RNF157: variants seen among roughly 807,000 people sequenced by gnomAD.
RNF157 encodes the protein E3 ubiquitin ligase RNF157.
RNF157 carries 55 observed loss-of-function variants against 88.3 expected under a neutral mutation model. The ratio of observed to expected loss-of-function variants is 0.62; its 90% CI spans 0.50 to 0.78. The LOEUF (loss-of-function observed/expected upper bound fraction) is 0.78. RNF157 is among the 30% of genes least tolerant of loss of function. RNF157 has a pLI of 0.00. For synonymous variants in RNF157, 334 were observed against 341.2 expected (o/e 0.98, Z 0.23); for missense variants, 788 against 860.8 (o/e 0.92, Z 1.06).
chr17:76,205,108 G>A (rs775409664), intron 2 of RNF157, among the ~76,000 whole-genome samples: 4 of 148,276 alleles, frequency 2.7e-5, no homozygotes, highest in Non-Finnish European at 6.0e-5. Context: ...TCCCTCCCTC[G>A]TTCCCTCCCT....
rs370982681 is a variant in RNF157 at position 76,161,335 on chromosome 17, G to A, written c.1065+200C>T. On this transcript the variant is annotated intron_variant, in intron 11 of 18. Coordinates refer to ENST00000269391, the MANE Select transcript of RNF157 (RefSeq NM_052916.3). The surrounding 1 kb of genome is among the most constrained non-coding windows in gnomAD (Gnocchi z 4.6). ...ATTAACTGGACACCAAGTTCCCAAG[G>A]AGGAAAAGGGAGGTTTTCAGTATTC... Among the ~76,000 whole-genome samples, 27 of 152,194 alleles carry A rather than the reference G, an allele frequency of 1.8e-4. No individual in the cohort carries two copies. Among genetic ancestry groups the A allele is most frequent in the African/African-American group, 4.6e-4 (19 of 41,520 alleles).
intron 1 of RNF157, chr17:76,226,729 C>A: frequency 5.6e-6 from 9 of 1,610,078 alleles, no homozygotes; most frequent in Non-Finnish European, 7.6e-6. Context: ...TTTCTTCAGC[C>A]CCCAAACCCG....
chr17:76,205,133 CTTTTTTTCTTTCTTTT>C (rs1402240374), intron 2 of RNF157, among the ~76,000 whole-genome samples: 1 of 150,588 alleles, frequency 6.6e-6, no homozygotes, highest in African/African-American at 2.4e-5. Context: ...CTTTTCTTTT[CTTTTTTTCTTTCTTTT>C]TTTTTTTTTG....
In RNF157 at chr17:76,176,401, A is replaced by G. The variant is rs1191792735; in HGVS notation, c.208-2611T>C. Among the ~76,000 whole-genome samples, 2 of 152,236 alleles carry G rather than the reference A, an allele frequency of 1.3e-5. No individual in the cohort carries two copies. Among genetic ancestry groups the G allele is most frequent in the Non-Finnish European group, 2.9e-5 (2 of 68,046 alleles). ...TAACAGAGAAGATGGAGGGGACAGTAGGATCAGAGGCAAATTAAAAAAAAT... is the reference window on the plus strand; with the variant it reads ...TAACAGAGAAGATGGAGGGGACAGTGGGATCAGAGGCAAATTAAAAAAAAT... On this transcript the variant is annotated intron_variant, in intron 2 of 18. Coordinates refer to ENST00000269391, the MANE Select transcript of RNF157 (RefSeq NM_052916.3). This position sits in a 1 kb window ranked among gnomAD's most constrained non-coding sequence, Gnocchi z 4.2.
At chr17:76,165,280 CTTTCT>C (rs975502520) in intron 7 of RNF157, among the ~76,000 whole-genome samples, 14 of 151,628 alleles carry the variant, frequency 9.2e-5, no homozygotes, top group Non-Finnish European at 1.2e-4. Context: ...TCTAGCCTTT[CTTTCT>C]TTTATTTATT....
intron 2 of RNF157, among the ~76,000 whole-genome samples, chr17:76,206,475 C>T (rs1056152450): frequency 1.3e-5 from 2 of 152,156 alleles, no homozygotes; most frequent in Non-Finnish European, 2.9e-5. Flanking sequence ...GAAAGACCTT[C>T]AGAAGCCCAG....
rs2145100010 is a variant in RNF157, at chr17:76,240,110, G to A, written c.88+43C>T. 1 of 1,189,438 alleles carries A rather than the reference G, an allele frequency of 8.4e-7. No individual in the cohort carries two copies. Among genetic ancestry groups the A allele is most frequent in the Non-Finnish European group, 1.1e-6 (1 of 934,502 alleles). The allele number at this position is 1,189,438 out of a possible 1,614,324, so 73.7% of individuals were successfully genotyped here. On this transcript the variant is annotated intron_variant, in intron 1 of 18. Coordinates refer to ENST00000269391, the MANE Select transcript of RNF157 (RefSeq NM_052916.3). This position sits in a 1 kb window ranked among gnomAD's most constrained non-coding sequence, Gnocchi z 4.4. ...CGTCCCGACCCAGACCCCTGCCCCT[G>A]CCCCTCTCCCTCCTCGCGGCTGCGG... is the stretch of plus-strand genomic sequence containing the variant.
chr17:76,215,121 C>A (rs1014875244), intron 1 of RNF157, among the ~76,000 whole-genome samples: 1 of 151,970 alleles, frequency 6.6e-6, no homozygotes, highest in Admixed American at 6.6e-5. Flanking sequence ...TATACACAAA[C>A]TCCCTAAATC....
At chr17:76,191,907 G>C (rs760847828) in intron 2 of RNF157, among the ~76,000 whole-genome samples, 2 of 152,156 alleles carry the variant, frequency 1.3e-5, no homozygotes, top group South Asian at 2.1e-4. Context: ...CAAAATTTAC[G>C]TGTAATCAAC....
chr17:76,205,911 G>A (rs755466972), intron 2 of RNF157, among the ~76,000 whole-genome samples: 3 of 151,474 alleles, frequency 2.0e-5, no homozygotes, highest in Non-Finnish European at 2.9e-5. Context: ...AAAATGAGAG[G>A]AGCGGTTTGA....
chr17:76,211,883 G>T (rs1400110084), intron 2 of RNF157: 2 of 152,416 alleles, frequency 1.3e-5, no homozygotes, highest in African/African-American at 4.8e-5. Context: ...AAAATTTTCA[G>T]TCATTCATTC....
chr17:76,207,057 C>T (rs1276617357), intron 2 of RNF157, among the ~76,000 whole-genome samples: 2 of 152,244 alleles, frequency 1.3e-5, no homozygotes, highest in South Asian at 2.1e-4. Context: ...AACTTTCTTC[C>T]ACCATCTTTC....
chr17:76,223,314 A>G (rs897213738), intron 1 of RNF157, among the ~76,000 whole-genome samples: 11 of 151,604 alleles, frequency 7.3e-5, no homozygotes, highest in African/African-American at 2.7e-4. Context: ...CAGCCTTGCA[A>G]GTAGCTGGGA....
At chr17:76,215,326 T>C (rs1438832929) in intron 1 of RNF157, among the ~76,000 whole-genome samples, 3 of 151,584 alleles carry the variant, frequency 2.0e-5, no homozygotes, top group African/African-American at 4.9e-5. Flanking sequence ...AATACAAAAA[T>C]TAGTTGGGCA....
At chr17:76,233,081 C>A (rs905167394) in intron 1 of RNF157, among the ~76,000 whole-genome samples, 2 of 152,092 alleles carry the variant, frequency 1.3e-5, no homozygotes, top group Admixed American at 1.3e-4. Context: ...CCACCACGCC[C>A]AGCTAATTTT....
At chr17:76,151,220 A>T (rs2068670517) in intron 18 of RNF157, among the ~76,000 whole-genome samples, 1 of 152,242 alleles carries the variant, frequency 6.6e-6, no homozygotes, top group South Asian at 2.1e-4. Context: ...ACTGAAAATG[A>T]AGAGGCCTGG....
At chr17:76,155,391 C>T (rs1028007132) in intron 15 of RNF157, 74 bp from the exon 16 acceptor site, 40 of 1,525,994 alleles carry the variant, frequency 2.6e-5, no homozygotes, top group Non-Finnish European at 3.5e-5. Flanking sequence ...TTCTTCAGAA[C>T]AAAATTGGTG....
chr17:76,235,244 C>A (rs868624246), intron 1 of RNF157, among the ~76,000 whole-genome samples: 1 of 150,432 alleles, frequency 6.6e-6, no homozygotes, highest in South Asian at 2.1e-4. Flanking sequence ...GTCGCCCAGG[C>A]TGGAGTGCAG....
chr17:76,190,168 CTCTT>C (rs754680265), intron 2 of RNF157, among the ~76,000 whole-genome samples: 191 of 118,532 alleles, frequency 1.6e-3, no homozygotes, highest in Non-Finnish European at 2.6e-3. Flanking sequence ...TGCTTGCTCT[CTCTT>C]TTTTTTTTTT....
Sources: gnomAD v4.1 joint callset for allele counts (sites outside exome capture counted in the v4.1 genomes callset) on GRCh38, gnomAD v4.1.1 for gene constraint, Gnocchi (gnomAD v3.1) non-coding constraint, MANE v1.5 for transcripts, NCBI Gene and HGNC (gene_info 2026-07-23, HGNC 2026-07-21) for gene names.